Variants in ADK observed in about 807,000 individuals in gnomAD.
ADK encodes adenosine kinase.
In ADK, 24 loss-of-function variants were observed where a neutral mutation model predicts 44.7. The observed-to-expected ratio is 0.54, with a 90% confidence interval of 0.39 to 0.76. The LOEUF is 0.76. ADK is among the 30% of genes least tolerant of loss of function. The pLI, the probability that ADK is intolerant of heterozygous loss-of-function variation, is 0.00. For missense variants in ADK, 321 were observed against 425.1 expected (o/e 0.76, Z 2.15); for synonymous variants, 128 against 142.6 (o/e 0.90, Z 0.73).
At chr10:74,376,796 TACTGTC>T (rs965570161) in intron 4 of ADK, among the ~76,000 whole-genome samples, 5 of 147,898 alleles carry the variant, frequency 3.4e-5, no homozygotes, top group African/African-American at 1.2e-4. Context: ...TTTTTTTTAA[TACTGTC>T]ATTGACCTTT....
chr10:74,242,796 A>C (rs1050225577), intron 3 of ADK, among the ~76,000 whole-genome samples: 2 of 152,192 alleles, frequency 1.3e-5, no homozygotes, highest in Admixed American at 1.3e-4. Flanking sequence ...CTCAGTAGGT[A>C]GAGAGGAGAG....
intron 3 of ADK, among the ~76,000 whole-genome samples, chr10:74,238,050 C>T (rs1845039615): frequency 6.6e-6 from 1 of 152,100 alleles, no homozygotes; most frequent in African/African-American, 2.4e-5. Flanking sequence ...GCCAAGATTG[C>T]ACCATTGCAC....
chr10:74,288,709 C>T (rs1488671986), intron 3 of ADK, among the ~76,000 whole-genome samples: 1 of 152,100 alleles, frequency 6.6e-6, no homozygotes, highest in African/African-American at 2.4e-5. Flanking sequence ...AGTCTTATTA[C>T]GTTTTTCTGG....
intron 6 of ADK, chr10:74,506,584 C>T (rs1019150003): frequency 6.5e-6 from 1 of 152,684 alleles, no homozygotes; most frequent in African/African-American, 2.4e-5. Flanking sequence ...GGATACAACA[C>T]TTGAGCTCAC....
chr10:74,348,007 T>C (rs1841835511), intron 4 of ADK, among the ~76,000 whole-genome samples: 1 of 152,136 alleles, frequency 6.6e-6, no homozygotes. Context: ...GACATAAACT[T>C]TCCTGCCTGG....
At chr10:74,193,123 C>A (rs10824105) in intron 1 of ADK, among the ~76,000 whole-genome samples, 20,027 of 152,144 alleles carry the variant, frequency 0.13, 1,323 homozygotes, top group Middle Eastern at 0.21. Flanking sequence ...TTCATGAAAT[C>A]CCTTTGTATC....
At chr10:74,334,430 G>A (rs541540089) in intron 4 of ADK, among the ~76,000 whole-genome samples, 3 of 152,318 alleles carry the variant, frequency 2.0e-5, no homozygotes, top group African/African-American at 4.8e-5. Context: ...TACAAGCATA[G>A]CATCCATCTG....
chr10:74,532,919 CA>C (rs35774493), intron 7 of ADK, among the ~76,000 whole-genome samples: 1,207 of 75,484 alleles, frequency 0.016, 8 homozygotes, highest in African/African-American at 0.063. Flanking sequence ...GACTCTGTCT[CA>C]AAAAAAAAAA....
At chr10:74,392,048 A>G (rs1471371108) in intron 4 of ADK, among the ~76,000 whole-genome samples, 1 of 151,884 alleles carries the variant, frequency 6.6e-6, no homozygotes, top group Non-Finnish European at 1.5e-5. Context: ...TTGTTTCTTT[A>G]TCCTTTAATT....
chr10:74,383,040 A>G (rs1843024789), intron 4 of ADK, among the ~76,000 whole-genome samples: 1 of 151,916 alleles, frequency 6.6e-6, no homozygotes, highest in African/African-American at 2.4e-5. Context: ...TAAGATTCAT[A>G]CTCCTTCTTA....
chr10:74,408,804 C>G (rs961599149), intron 6 of ADK, among the ~76,000 whole-genome samples: 10 of 152,058 alleles, frequency 6.6e-5, no homozygotes, highest in African/African-American at 2.4e-4. Context: ...TCATAAAGGT[C>G]TTTATCTTAG....
chr10:74,612,150 A>T (rs555788521), intron 9 of ADK, among the ~76,000 whole-genome samples: 1 of 152,208 alleles, frequency 6.6e-6, no homozygotes, highest in East Asian at 1.9e-4. Context: ...TTACTTTTTA[A>T]TAATAGCTGT....
rs765922880 is a variant in ADK, at chr10:74,188,343, A to ATTTTTTTTTTT, written c.66-12408_66-12398dup. ...TTTCTATTTTGGACATGTATTTTTA[A>ATTTTTTTTTTT]TTTTTTTTTTTTTTTTTTTTTTTGA... On this transcript the variant is annotated intron_variant, in intron 1 of 10. Coordinates refer to ENST00000539909, the MANE Select transcript of ADK (RefSeq NM_006721.4). 2.2e-4 allele frequency among the ~76,000 whole-genome samples: 18 copies of ATTTTTTTTTTT among 81,360 alleles called. 1 individual carries two copies. Among genetic ancestry groups the ATTTTTTTTTTT allele is most frequent in the African/African-American group, 7.7e-4 (15 of 19,538 alleles). The allele number at this position is 81,360 out of a possible 152,430, so 53.4% of individuals were successfully genotyped here.
At chr10:74,269,432 T>A (rs765350055) in intron 3 of ADK, among the ~76,000 whole-genome samples, 4 of 152,228 alleles carry the variant, frequency 2.6e-5, no homozygotes, top group Non-Finnish European at 5.9e-5. Context: ...TTGAGAAGTA[T>A]CAGTGTAACA....
intron 9 of ADK, chr10:74,655,991 A>G: frequency 3.0e-6 from 2 of 671,572 alleles, no homozygotes; most frequent in South Asian, 3.1e-5. Flanking sequence ...TGACCATGGG[A>G]ACCGCCTGCT....
intron 4 of ADK, among the ~76,000 whole-genome samples, chr10:74,373,768 T>C (rs1205635321): frequency 2.0e-5 from 3 of 152,170 alleles, no homozygotes; most frequent in Non-Finnish European, 2.9e-5. Flanking sequence ...TATTTTAACA[T>C]AGAGTTACCA....
At chr10:74,665,705 A>T (rs1854920072) in intron 9 of ADK, among the ~76,000 whole-genome samples, 1 of 150,494 alleles carries the variant, frequency 6.6e-6, no homozygotes, top group African/African-American at 2.5e-5. Context: ...ACTGCACTCC[A>T]GCCTGGGAGG....
chr10:74,279,546 T>C (rs1393086098), intron 3 of ADK, among the ~76,000 whole-genome samples: 2 of 149,548 alleles, frequency 1.3e-5, no homozygotes, highest in Non-Finnish European at 3.0e-5. Flanking sequence ...ACCACTGCAC[T>C]CCAGCTTGGG....
intron 10 of ADK, among the ~76,000 whole-genome samples, chr10:74,686,054 C>T (rs188188147): frequency 5.3e-5 from 8 of 152,220 alleles, no homozygotes; most frequent in East Asian, 3.9e-4. Flanking sequence ...CTCCGCCTCC[C>T]GGGTTCACGC....
Sources: gnomAD v4.1 joint callset for allele counts (sites outside exome capture counted in the v4.1 genomes callset) on GRCh38, gnomAD v4.1.1 for gene constraint, MANE v1.5 for transcripts, NCBI Gene and HGNC (gene_info 2026-07-23, HGNC 2026-07-21) for gene names.